EVL: variants seen among roughly 807,000 people sequenced by gnomAD.
EVL encodes ena/VASP-like protein.
Under a neutral mutation model 59.6 loss-of-function variants are expected in EVL, and 21 were observed. That is an observed-to-expected ratio of 0.35 (90% CI 0.25 to 0.51). The LOEUF is 0.51. Among genes scored for constraint, EVL ranks in the 20% least tolerant of loss-of-function variants. The pLI is 0.97. For synonymous variants in EVL, 198 were observed against 203.5 expected (o/e 0.97, Z 0.23); for missense variants, 462 against 546.6 (o/e 0.85, Z 1.54).
chr14:100,024,464 G>A (rs2061177912), intron 1 of EVL, among the ~76,000 whole-genome samples: 1 of 152,206 alleles, frequency 6.6e-6, no homozygotes, highest in South Asian at 2.1e-4. Context: ...AGGAGGTAGA[G>A]ACTGGGCCAG....
chr14:100,078,650 G>A (rs1355468719), intron 1 of EVL, among the ~76,000 whole-genome samples: 1 of 152,160 alleles, frequency 6.6e-6, no homozygotes, highest in Non-Finnish European at 1.5e-5. Context: ...CAGGAAGTAG[G>A]GAGTGAAGTC....
At chr14:100,139,132 G>A (rs1032690540) in intron 11 of EVL, 6 of 152,342 alleles carry the variant, frequency 3.9e-5, no homozygotes, top group African/African-American at 1.2e-4. Context: ...GCAAAACGAG[G>A]GCCCTGGAGC....
At chr14:100,085,020 A>G in intron 2 of EVL, 165 bp downstream of exon 2, 2 of 667,596 alleles carry the variant, frequency 3.0e-6, no homozygotes, top group Non-Finnish European at 4.9e-6. Context: ...AGTTCAAAGT[A>G]TGACACCTTA....
chr14:100,132,157 AGGT>A (rs1888475597), intron 7 of EVL, among the ~76,000 whole-genome samples: 1 of 151,370 alleles, frequency 6.6e-6, no homozygotes, highest in African/African-American at 2.4e-5. Flanking sequence ...CATACTGGGG[AGGT>A]GCACGAACCG....
chr14:100,042,735 C>T (rs927270194), intron 1 of EVL, among the ~76,000 whole-genome samples: 3 of 152,186 alleles, frequency 2.0e-5, no homozygotes, highest in South Asian at 2.1e-4. Flanking sequence ...TAAGCTACAA[C>T]GTTTGTGGAG....
chr14:100,143,178 A>G (rs1251551987), intron 13 of EVL, among the ~76,000 whole-genome samples: 5 of 152,048 alleles, frequency 3.3e-5, no homozygotes, highest in African/African-American at 1.2e-4. Flanking sequence ...GGGGGGAGGC[A>G]AGAGAGGACC....
chr14:100,105,821 A>G (rs1886529506), intron 3 of EVL, among the ~76,000 whole-genome samples: 1 of 152,106 alleles, frequency 6.6e-6, no homozygotes, highest in Admixed American at 6.5e-5. Context: ...TGGTTGTAGC[A>G]GCAGCAGCCG....
chr14:100,003,791 G>T (rs2060961329), intron 1 of EVL, among the ~76,000 whole-genome samples: 1 of 152,094 alleles, frequency 6.6e-6, no homozygotes, highest in African/African-American at 2.4e-5. Flanking sequence ...AATAATAATG[G>T]CATAGGAATT....
intron 3 of EVL, among the ~76,000 whole-genome samples, chr14:100,104,902 CTTTTTTTTTTTTTTT>C (rs568203851): frequency 1.4e-4 from 14 of 99,524 alleles, no homozygotes; most frequent in Admixed American, 2.4e-4. Context: ...CCTCTCTTTA[CTTTTTTTTTTTTTTT>C]TTTTTTTTTT....
intron 1 of EVL, among the ~76,000 whole-genome samples, chr14:100,076,948 T>C (rs2062175577): frequency 6.6e-6 from 1 of 152,184 alleles, no homozygotes; most frequent in African/African-American, 2.4e-5. Context: ...TAAGTCTTAA[T>C]TCTCCAGACA....
intron 3 of EVL, among the ~76,000 whole-genome samples, chr14:100,100,515 T>C (rs1363450992): frequency 6.6e-6 from 1 of 151,826 alleles, no homozygotes; most frequent in Non-Finnish European, 1.5e-5. Context: ...AGAAAGAAAA[T>C]GTAGTCAGCA....
At position 100,039,908 on chromosome 14, in the gene EVL, G is replaced by A. The variant is rs566711102; in HGVS notation, c.6-44779G>A. On this transcript the variant is annotated intron_variant, in intron 1 of 13. Coordinates refer to the EVL transcript ENST00000402714. ...ATCCTCTCACCTCAGCCTCCTGAGAGGCTGGGACCACAAGTGCACACCACC... is the reference window on the plus strand; with the variant it reads ...ATCCTCTCACCTCAGCCTCCTGAGAAGCTGGGACCACAAGTGCACACCACC... 3.9e-5 allele frequency among the ~76,000 whole-genome samples: 6 copies of A among 152,244 alleles called. No individual in the cohort carries two copies. In the South Asian group the frequency reaches 1.2e-3, roughly 32 times the overall value.
chr14:100,121,613 A>C (rs1157010123), intron 3 of EVL, among the ~76,000 whole-genome samples: 3 of 152,206 alleles, frequency 2.0e-5, no homozygotes, highest in African/African-American at 7.2e-5. Flanking sequence ...TGCAGGGGCC[A>C]GAGCCCTCTG....
In EVL at chr14:100,141,805, C is replaced by A. The variant is rs1261562587; in HGVS notation, c.1219+12C>A. The A allele has an allele frequency of 4.3e-6, 7 of 1,612,070 alleles. No homozygotes were observed. In the African/African-American group the frequency reaches 8.0e-5, roughly 18 times the overall value. On this transcript the variant is annotated intron_variant, in intron 13 of 13. Coordinates refer to ENST00000392920, the MANE Select transcript of EVL (RefSeq NM_016337.3). Reference sequence around the variant, plus strand: ...GGAGATCATCGACGGTGAGTGCAGCCCCACCGGGGAGGGTGGCACCCAGGT... The same window carrying A: ...GGAGATCATCGACGGTGAGTGCAGCACCACCGGGGAGGGTGGCACCCAGGT...
intron 3 of EVL, among the ~76,000 whole-genome samples, chr14:100,121,130 T>C (rs1367456276): frequency 6.6e-6 from 1 of 152,186 alleles, no homozygotes; most frequent in Non-Finnish European, 1.5e-5. Context: ...AAGTCATGTG[T>C]AGTGCCTCAC....
chr14:100,017,261 G>T (rs2061058590), intron 1 of EVL, among the ~76,000 whole-genome samples: 1 of 152,178 alleles, frequency 6.6e-6, no homozygotes, highest in Non-Finnish European at 1.5e-5. Flanking sequence ...TGCCCTGAAA[G>T]GTGCTGGTTA....
At chr14:100,057,824 T>G (rs1322241241) in intron 1 of EVL, among the ~76,000 whole-genome samples, 2 of 152,222 alleles carry the variant, frequency 1.3e-5, no homozygotes, top group Admixed American at 1.3e-4. Context: ...AAATATTATA[T>G]TTAAAAAGCC....
chr14:100,004,945 T>C (rs937877271), intron 1 of EVL, among the ~76,000 whole-genome samples: 1 of 152,248 alleles, frequency 6.6e-6, no homozygotes, highest in Non-Finnish European at 1.5e-5. Context: ...AATTTAACTT[T>C]AGATTCTAAA....
chr14:100,119,625 C>T (rs570926473), intron 3 of EVL, among the ~76,000 whole-genome samples: 1 of 152,352 alleles, frequency 6.6e-6, no homozygotes, highest in East Asian at 1.9e-4. Flanking sequence ...GCAGAAAGAT[C>T]AACAGTGTGC....
Sources: allele counts gnomAD v4.1 joint callset (sites outside exome capture counted in the v4.1 genomes callset), GRCh38; gene constraint gnomAD v4.1.1; transcripts MANE v1.5; gene names NCBI Gene and HGNC (gene_info 2026-07-23, HGNC 2026-07-21).